HOMER2: variants seen among roughly 807,000 people sequenced by gnomAD.
HOMER2 encodes the protein homer scaffold protein 2, also known as homer protein homolog 2.
A neutral mutation model predicts 47.0 loss-of-function variants in HOMER2; 27 were observed. That is an observed-to-expected ratio of 0.57 (90% CI 0.42 to 0.79). The LOEUF is 0.79. HOMER2 is among the 30% of genes least tolerant of loss of function. The pLI is 0.00. For synonymous variants in HOMER2, 161 were observed against 163.8 expected (o/e 0.98, Z 0.13); for missense variants, 443 against 435.0 (o/e 1.02, Z -0.16).
intron 1 of HOMER2, among the ~76,000 whole-genome samples, chr15:82,972,101 G>A (rs575766678): frequency 6.6e-6 from 1 of 152,202 alleles, no homozygotes; most frequent in African/African-American, 2.4e-5. Flanking sequence ...TTCATGATTT[G>A]TAGCACATTT....
intron 2 of HOMER2, among the ~76,000 whole-genome samples, chr15:82,889,446 C>A (rs2052640586): frequency 6.6e-6 from 1 of 152,144 alleles, no homozygotes; most frequent in East Asian, 1.9e-4. Flanking sequence ...GAAGTGGAAC[C>A]AAGCCGACTG....
chr15:82,854,859 C>A (rs1028530493), intron 5 of HOMER2, 59 bp from the exon 6 acceptor site: 2 of 1,563,330 alleles, frequency 1.3e-6, no homozygotes, highest in Admixed American at 3.4e-5. Flanking sequence ...TGGCTCCGCC[C>A]GCGTGGGGAA....
chr15:82,973,067 C>T (rs1000209982), intron 1 of HOMER2, among the ~76,000 whole-genome samples: 4 of 152,214 alleles, frequency 2.6e-5, no homozygotes, highest in Non-Finnish European at 4.4e-5. Context: ...GTAAAAGGAA[C>T]TATAAACTGT....
At chr15:82,914,287 A>G (rs893936060) in intron 1 of HOMER2, among the ~76,000 whole-genome samples, 12 of 150,694 alleles carry the variant, frequency 8.0e-5, no homozygotes, top group African/African-American at 2.9e-4. Flanking sequence ...CTGAGGCAGG[A>G]GAACAGCGTG....
chr15:82,905,573 G>C (rs2053263472), intron 1 of HOMER2, among the ~76,000 whole-genome samples: 1 of 152,076 alleles, frequency 6.6e-6, no homozygotes, highest in Non-Finnish European at 1.5e-5. Context: ...AAAAAAGCCA[G>C]AGGAAAGAAA....
In HOMER2 at chr15:82,892,819, G is replaced by A. The variant is rs750943670; in HGVS notation, c.28C>T (p.Arg10Ter). Residue 10 changes from arginine (R) to a stop codon, truncating the protein, a stop_gained, in exon 2 of 9, where the codon CGA becomes TGA. Coordinates refer to ENST00000450735, the MANE Select transcript of HOMER2 (RefSeq NM_004839.4). LOFTEE classifies it high-confidence loss of function. The stretch of plus-strand genomic sequence containing the variant: ...GGGTCAATCTGGAAGACATGCGCTC[G>A]GGTGGTGAAGATGGGCTGTTCTCTG... Reference protein sequence around the residue: MGEQPIFTTRAHVFQIDPNT... With the variant: MGEQPIFTT 5 of 1,598,272 alleles carry A rather than the reference G, an allele frequency of 3.1e-6. No homozygotes were observed. Among genetic ancestry groups the A allele is most frequent in the East Asian group, 2.2e-5 (1 of 44,748 alleles).
intron 1 of HOMER2, among the ~76,000 whole-genome samples, chr15:82,937,311 G>A (rs1455950258): frequency 6.6e-6 from 1 of 152,204 alleles, no homozygotes; most frequent in East Asian, 1.9e-4. Flanking sequence ...ATGAGACTCA[G>A]TGACAGAAAC....
At chr15:82,932,769 G>C (rs144277319) in intron 1 of HOMER2, among the ~76,000 whole-genome samples, 1 of 152,150 alleles carries the variant, frequency 6.6e-6, no homozygotes, top group African/African-American at 2.4e-5. Flanking sequence ...AATGTTCAAA[G>C]CTGTTTACTC....
chr15:82,928,696 C>T (rs2053917728), intron 1 of HOMER2, among the ~76,000 whole-genome samples: 2 of 151,746 alleles, frequency 1.3e-5, no homozygotes, highest in African/African-American at 2.4e-5. Context: ...ATTAAACAAC[C>T]GATTTTTGTA....
intron 1 of HOMER2, among the ~76,000 whole-genome samples, chr15:82,902,711 G>T (rs964626082): frequency 6.6e-6 from 1 of 152,116 alleles, no homozygotes; most frequent in Admixed American, 6.5e-5. Flanking sequence ...TGATATGAGG[G>T]TATGACTTGG....
intron 3 of HOMER2, among the ~76,000 whole-genome samples, chr15:82,873,721 A>C (rs998922727): frequency 2.6e-5 from 4 of 152,246 alleles, no homozygotes; most frequent in African/African-American, 9.6e-5. Flanking sequence ...GGATGCTCAG[A>C]GTGCCATCAG....
intron 1 of HOMER2, among the ~76,000 whole-genome samples, chr15:82,902,080 T>C (rs2053137495): frequency 1.3e-5 from 2 of 152,214 alleles, no homozygotes; most frequent in Admixed American, 1.3e-4. Flanking sequence ...GGTTAACATT[T>C]ATACTATAAA....
intron 5 of HOMER2, 29 bp from the exon 6 acceptor site, chr15:82,854,829 G>C: frequency 6.3e-7 from 1 of 1,596,696 alleles, no homozygotes. Context: ...CGGTGACGAC[G>C]GGGTGGGTGC....
intron 1 of HOMER2, among the ~76,000 whole-genome samples, chr15:82,922,163 C>T (rs1226924265): frequency 1.3e-5 from 2 of 152,174 alleles, no homozygotes; most frequent in Non-Finnish European, 2.9e-5. Flanking sequence ...ACACCCACCC[C>T]ACCTCCAACA....
chr15:82,836,434 C>T (rs76817923), downstream of HOMER2, among the ~76,000 whole-genome samples: 1,733 of 152,358 alleles, frequency 0.011, 24 homozygotes, highest in African/African-American at 0.038. Flanking sequence ...AGGTTTTAGT[C>T]CAGCAATACC....
At chr15:82,982,406 T>C (rs1227790741) in intron 1 of HOMER2, among the ~76,000 whole-genome samples, 12 of 152,148 alleles carry the variant, frequency 7.9e-5, no homozygotes, top group Admixed American at 7.9e-4. Flanking sequence ...TGAAAAGACA[T>C]TGGTGGGCAG....
intron 1 of HOMER2, among the ~76,000 whole-genome samples, chr15:82,979,279 C>T (rs949156848): frequency 2.0e-5 from 3 of 152,138 alleles, no homozygotes; most frequent in African/African-American, 4.8e-5. Context: ...GAGACTGGAC[C>T]GATAAGACAG....
downstream of HOMER2, chr15:82,846,770 T>C (rs984332857): frequency 6.6e-6 from 1 of 152,232 alleles, no homozygotes; most frequent in Non-Finnish European, 1.5e-5. Context: ...ACTGGTTCTC[T>C]TTCCCTCCAA....
At chr15:82,893,913 G>A (rs9806543) in intron 1 of HOMER2, among the ~76,000 whole-genome samples, 65,351 of 151,970 alleles carry the variant, frequency 0.43, 14,307 homozygotes, top group Non-Finnish European at 0.47. Context: ...ATCCCAGCAT[G>A]AGCCATTATA....
Sources: gnomAD v4.1 joint callset for allele counts (sites outside exome capture counted in the v4.1 genomes callset) on GRCh38, gnomAD v4.1.1 for gene constraint, MANE v1.5 for transcripts, NCBI Gene and HGNC (gene_info 2026-07-23, HGNC 2026-07-21) for gene names.